Variants in PKIB observed in about 807,000 individuals in gnomAD.
PKIB encodes cAMP-dependent protein kinase inhibitor beta.
PKIB carries 2 observed loss-of-function variants against 4.5 expected under a neutral mutation model. The ratio of observed to expected loss-of-function variants is 0.44; its 90% CI spans 0.18 to 1.39. PKIB has a LOEUF of 1.39. PKIB is among the 40% of genes most tolerant of loss of function. PKIB has a pLI of 0.27. For missense variants in PKIB, 94 were observed against 92.6 expected, an observed-to-expected ratio of 1.02 and a Z score of -0.06; for synonymous variants, 38 against 36.0, an observed-to-expected ratio of 1.06 and a Z score of -0.20.
At chr6:122,667,654 G>A (rs749555816) in intron 2 of PKIB, among the ~76,000 whole-genome samples, 3 of 152,134 alleles carry the variant, frequency 2.0e-5, no homozygotes, top group Admixed American at 6.5e-5. Context: ...AGTAATATAA[G>A]CTAAGAAGTT....
intron 3 of PKIB, among the ~76,000 whole-genome samples, chr6:122,679,672 C>T (rs1777821485): frequency 1.3e-5 from 2 of 152,126 alleles, no homozygotes; most frequent in Non-Finnish European, 2.9e-5. Flanking sequence ...CAGTGGTGTT[C>T]ACTTGCAGGA....
chr6:122,475,148 A>G (rs1315993588), intron 1 of PKIB, among the ~76,000 whole-genome samples: 1 of 151,946 alleles, frequency 6.6e-6, no homozygotes, highest in Non-Finnish European at 1.5e-5. Flanking sequence ...ATTCTCCTGC[A>G]ACCGCTGCCT....
chr6:122,663,363 T>G (rs906473910), intron 2 of PKIB, among the ~76,000 whole-genome samples: 5 of 152,180 alleles, frequency 3.3e-5, no homozygotes, highest in African/African-American at 1.2e-4. Context: ...TTTCCTGGAT[T>G]AACATAGTTT....
At chr6:122,581,307 CTT>C (rs2114709916) in intron 2 of PKIB, among the ~76,000 whole-genome samples, 1 of 152,222 alleles carries the variant, frequency 6.6e-6, no homozygotes, top group South Asian at 2.1e-4. Context: ...TAGAGAATTT[CTT>C]CCTACTTTAT....
chr6:122,598,328 C>CTGCTTTGCCTCTGCTGACCATTT (rs1774241085), intron 3 of PKIB, among the ~76,000 whole-genome samples: 1 of 146,744 alleles, frequency 6.8e-6, no homozygotes, highest in African/African-American at 2.5e-5. Flanking sequence ...GATTAATTAG[C>CTGCTTTGCCTCTGCTGACCATTT]CAATGCCAGA....
intron 2 of PKIB, among the ~76,000 whole-genome samples, chr6:122,539,268 A>G (rs1342761669): frequency 6.6e-6 from 1 of 152,064 alleles, no homozygotes; most frequent in East Asian, 1.9e-4. Context: ...CCAGTTTTCA[A>G]AGGGAATGCT....
At chr6:122,592,326 A>C (rs1774042692) in intron 3 of PKIB, among the ~76,000 whole-genome samples, 1 of 152,210 alleles carries the variant, frequency 6.6e-6, no homozygotes, top group Non-Finnish European at 1.5e-5. Context: ...TTCTGGATTT[A>C]AATTTCTATT....
chr6:122,505,338 T>C (rs2114567761), intron 2 of PKIB, among the ~76,000 whole-genome samples: 1 of 152,358 alleles, frequency 6.6e-6, no homozygotes, highest in East Asian at 1.9e-4. Flanking sequence ...CCACAACTTA[T>C]TGTCCCATAT....
At chr6:122,472,193 C>T (rs1241948891) in intron 1 of PKIB, among the ~76,000 whole-genome samples, 8 of 152,174 alleles carry the variant, frequency 5.3e-5, no homozygotes, top group African/African-American at 9.7e-5. Flanking sequence ...AGTCTTTGTC[C>T]GTCCTAACTC....
intron 3 of PKIB, among the ~76,000 whole-genome samples, chr6:122,715,701 A>G (rs913138471): frequency 2.6e-5 from 4 of 151,266 alleles, no homozygotes; most frequent in African/African-American, 9.7e-5. Context: ...AAACTTTTAG[A>G]TATATATATG....
chr6:122,576,326 A>T (rs1462966348), intron 2 of PKIB, among the ~76,000 whole-genome samples: 1 of 143,900 alleles, frequency 6.9e-6, no homozygotes, highest in African/African-American at 2.6e-5. Flanking sequence ...GGTGATGATG[A>T]TTACATGGTT....
chr6:122,694,989 T>C (rs1457967073), intron 3 of PKIB, among the ~76,000 whole-genome samples: 1 of 152,176 alleles, frequency 6.6e-6, no homozygotes, highest in Non-Finnish European at 1.5e-5. Context: ...TCTAATACAG[T>C]AGAGGGTTCC....
chr6:122,675,928 T>C (rs1292102425), intron 3 of PKIB, among the ~76,000 whole-genome samples: 1 of 152,052 alleles, frequency 6.6e-6, no homozygotes, highest in African/African-American at 2.4e-5. Context: ...TCCCTGACCA[T>C]TTTTGGCACC....
At chr6:122,489,161 GAATT>G (rs1409516369) in intron 2 of PKIB, among the ~76,000 whole-genome samples, 2 of 151,792 alleles carry the variant, frequency 1.3e-5, no homozygotes, top group Non-Finnish European at 2.9e-5. Context: ...GAAGTAAAAA[GAATT>G]AATAGATTTT....
chr6:122,674,701 G>A (rs1777602333), intron 2 of PKIB, among the ~76,000 whole-genome samples: 1 of 152,054 alleles, frequency 6.6e-6, no homozygotes, highest in Non-Finnish European at 1.5e-5. Context: ...ACTTCCAAAG[G>A]TGGTATCATG....
chr6:122,582,791 AT>A (rs1194331571), intron 2 of PKIB, among the ~76,000 whole-genome samples: 1 of 151,988 alleles, frequency 6.6e-6, no homozygotes, highest in African/African-American at 2.4e-5. Context: ...GAGGTCAGGG[AT>A]TTTTGTGTTT....
At chr6:122,505,259 T>C (rs1287990397) in intron 2 of PKIB, among the ~76,000 whole-genome samples, 1 of 152,156 alleles carries the variant, frequency 6.6e-6, no homozygotes, top group East Asian at 1.9e-4. Flanking sequence ...AGAGAGCAGA[T>C]CTCGCTCTGA....
intron 2 of PKIB, among the ~76,000 whole-genome samples, chr6:122,504,406 G>A (rs531910993): frequency 1.1e-3 from 165 of 152,238 alleles, no homozygotes; most frequent in Non-Finnish European, 5.4e-4. Context: ...ATTTAATGAG[G>A]CATGTTTTAT....
At chr6:122,525,080 A>C (rs1234053522) in intron 2 of PKIB, among the ~76,000 whole-genome samples, 1 of 150,698 alleles carries the variant, frequency 6.6e-6, no homozygotes, top group East Asian at 1.9e-4. Context: ...AAATGTATGC[A>C]TTTACAGATA....
Sources: gnomAD v4.1 joint callset for allele counts (sites outside exome capture counted in the v4.1 genomes callset) on GRCh38, gnomAD v4.1.1 for gene constraint, MANE v1.5 for transcripts, NCBI Gene and HGNC (gene_info 2026-07-23, HGNC 2026-07-21) for gene names.